Variants in CHRNB4 observed in about 807,000 individuals in gnomAD.
The protein encoded by CHRNB4 is neuronal acetylcholine receptor subunit beta-4.
In CHRNB4, 23 loss-of-function variants were observed where a neutral mutation model predicts 40.4. The ratio of observed to expected loss-of-function variants is 0.57; its 90% CI spans 0.41 to 0.81. The LOEUF (loss-of-function observed/expected upper bound fraction) is 0.81. CHRNB4 is among the 30% of genes least tolerant of loss of function. The pLI, the probability that CHRNB4 is intolerant of heterozygous loss-of-function variation, is 0.00. For missense variants in CHRNB4, 568 were observed against 670.6 expected (o/e 0.85, Z 1.69); for synonymous variants, 285 against 274.4 (o/e 1.04, Z -0.38).
chr15:78,643,855 A>G (rs1820968086), upstream of CHRNB4, among the ~76,000 whole-genome samples: 1 of 152,106 alleles, frequency 6.6e-6, no homozygotes, highest in Admixed American at 6.6e-5. Context: ...ATGAAATAGA[A>G]AAAGAGATTC....
chr15:78,657,095 G>A (rs2054220824), intron 3 of CHRNB4, among the ~76,000 whole-genome samples: 1 of 151,746 alleles, frequency 6.6e-6, no homozygotes, highest in Non-Finnish European at 1.5e-5. Flanking sequence ...TACAACCCTG[G>A]CTCACTGTAA....
At chr15:78,643,037 T>C (rs1274681335), upstream of CHRNB4, among the ~76,000 whole-genome samples, 1 of 152,162 alleles carries the variant, frequency 6.6e-6, no homozygotes, top group Non-Finnish European at 1.5e-5. Context: ...TAGGATAAAA[T>C]GAAATAATTC....
upstream of CHRNB4, chr15:78,661,082 G>T (rs2054248909): frequency 1.0e-5 from 6 of 601,844 alleles, no homozygotes; most frequent in Admixed American, 1.1e-4. Flanking sequence ...CCTCTGGCGC[G>T]CTTGAACTTC....
intron 1 of CHRNB4, among the ~76,000 whole-genome samples, chr15:78,659,943 A>G (rs545538034): frequency 6.6e-6 from 1 of 152,288 alleles, no homozygotes; most frequent in East Asian, 1.9e-4. Flanking sequence ...GCGGTGGCTC[A>G]TGCCTGTAAT....
rs533453894 is a variant in CHRNB4, at chr15:78,647,575, A to G, written c.46+1804T>C. Among the ~76,000 whole-genome samples, 160 of 151,680 alleles carry G rather than the reference A, an allele frequency of 1.1e-3. 2 individuals carry two copies. Among genetic ancestry groups the G allele is most frequent in the African/African-American group, 2.6e-3 (108 of 41,442 alleles). On this transcript the variant is annotated intron_variant and NMD_transcript_variant, in intron 7 of 11. Transcript: ENST00000559849. ...ATTAGAAAGAGATTCAGCCGGGTGCAGTGGCTCACGCCTGTAATCCCAGCA... is the reference window on the plus strand; with the variant it reads ...ATTAGAAAGAGATTCAGCCGGGTGCGGTGGCTCACGCCTGTAATCCCAGCA...
At chr15:78,644,234 C>A (rs939984497), upstream of CHRNB4, among the ~76,000 whole-genome samples, 5 of 151,338 alleles carry the variant, frequency 3.3e-5, no homozygotes, top group Admixed American at 1.3e-4. Context: ...ATACGTAAGG[C>A]CTTTCATGAA....
intron 5 of CHRNB4, chr15:78,626,916 G>C (rs1460340192): frequency 6.6e-6 from 1 of 152,324 alleles, no homozygotes; most frequent in Non-Finnish European, 1.5e-5. Context: ...CCAAGGGGGT[G>C]GTGAGGTCTT....
In CHRNB4 at chr15:78,632,500, G is replaced by A. The variant is rs2053854129; in HGVS notation, c.205-1168C>T. ...ATTTTAAAAAATTTTTTGTGGAGAT[G>A]GGGATTCATCATGATGCCCAGGCTG... On this transcript the variant is annotated intron_variant, in intron 2 of 5. Transcript: ENST00000261751. Among the ~76,000 whole-genome samples, 5 of 151,946 alleles carry A rather than the reference G, an allele frequency of 3.3e-5. No homozygotes were observed. In the South Asian group the frequency reaches 1.0e-3, roughly 32 times the overall value.
At chr15:78,632,133 T>TTTTC (rs1422889160) in intron 2 of CHRNB4, among the ~76,000 whole-genome samples, 7 of 139,722 alleles carry the variant, frequency 5.0e-5, no homozygotes, top group African/African-American at 1.8e-4. Context: ...TGCCTTCTCT[T>TTTTC]TTTCTTTCTT....
rs779791563 is a variant in CHRNB4, at chr15:78,629,915, G to A, written c.390C>T (p.Tyr130=). 32 of 1,605,748 alleles carry A rather than the reference G, an allele frequency of 2.0e-5. No individual in the cohort carries two copies. Among genetic ancestry groups the A allele is most frequent in the Middle Eastern group, 1.7e-4 (1 of 6,028 alleles). The part of the protein sequence containing the change: ...NADGTYEVSV[Y]TNLIVRSNGS... ...CGTTGGACCGGACTATCAAGTTGGT[G>A]TAGACAGACACCTCATAGGTCCCGT... The change falls in exon 5 of 6, where the codon TAC becomes TAT. Residue 130 remains tyrosine (Y), a synonymous_variant. Coordinates refer to ENST00000261751, the MANE Select transcript of CHRNB4 (RefSeq NM_000750.5). The surrounding 1 kb of genome is among the most constrained non-coding windows in gnomAD (Gnocchi z 6.8).
Position 78,629,616 on chromosome 15 carries a change from C to T in CHRNB4, c.689G>A (p.Arg230His), listed in dbSNP as rs770629950. The T allele has an allele frequency of 6.2e-6, 10 of 1,613,912 alleles. No individual in the cohort carries two copies. Among genetic ancestry groups the T allele is most frequent in the East Asian group, 2.2e-5 (1 of 44,876 alleles). ...GTTGATGGTGTAGAACAGAGGCTTG[C>T]GCTTGATGATGAAGTCGTAAGTCAC... ...VDVTYDFIIK[R>H]KPLFYTINLI... The change falls in exon 5 of 6, where the codon CGC becomes CAC. Residue 230 changes from arginine (R) to histidine (H), a missense_variant. Arg to His is a conservative substitution (Grantham distance 29, BLOSUM62 0). This residue lies in a region of CHRNB4 where 127 missense variants were observed against 167.4 expected (regional missense o/e 0.76). Coordinates refer to ENST00000261751, the MANE Select transcript of CHRNB4 (RefSeq NM_000750.5). The surrounding 1 kb of genome is among the most constrained non-coding windows in gnomAD (Gnocchi z 6.8).
At chr15:78,628,854 C>T in intron 5 of CHRNB4, 113 bp downstream of exon 5, 1 of 1,350,764 alleles carries the variant, frequency 7.4e-7, no homozygotes. Context: ...ATTCCTTATT[C>T]AGAGTTTGAG....
rs138984894 is a variant in CHRNB4, at chr15:78,634,918, T to G, written c.204+521A>C. On this transcript the variant is annotated intron_variant, in intron 2 of 5. Coordinates refer to ENST00000261751, the MANE Select transcript of CHRNB4 (RefSeq NM_000750.5). Reference sequence around the variant, plus strand: ...GGTACCTGTGAATGCTGCCATCCACTCCTCCTTTCCATGCCTGCAGCAGCC... The same window carrying G: ...GGTACCTGTGAATGCTGCCATCCACGCCTCCTTTCCATGCCTGCAGCAGCC... 3.5e-3 allele frequency among the ~76,000 whole-genome samples: 540 copies of G among 152,140 alleles called. 5 individuals are homozygous for G. The highest frequency in any genetic ancestry group is 0.012 in the African/African-American group (490 of 41,498).
At chr15:78,632,736 A>G (rs1426898289) in intron 2 of CHRNB4, among the ~76,000 whole-genome samples, 1 of 152,114 alleles carries the variant, frequency 6.6e-6, no homozygotes. Flanking sequence ...AGTATGTAAC[A>G]TGTTGGATAC....
chr15:78,627,647 A>C (rs1241031145), intron 5 of CHRNB4: 1 of 152,076 alleles, frequency 6.6e-6, no homozygotes, highest in African/African-American at 2.4e-5. Flanking sequence ...TGTCCAAAGA[A>C]TCTGATCTGA....
Position 78,647,503 on chromosome 15 carries a change from G to C in CHRNB4, c.46+1876C>G, listed in dbSNP as rs745618290. Among the ~76,000 whole-genome samples the C allele has an allele frequency of 2.1e-4, 32 of 151,952 alleles. 1 individual carries two copies. The highest frequency in any genetic ancestry group is 3.4e-3 in the Middle Eastern group (1 of 294). On this transcript the variant is annotated intron_variant and NMD_transcript_variant, in intron 7 of 11. Coordinates refer to the CHRNB4 transcript ENST00000559849. ...GGGGAATGGACACAGAAGTGATAAT[G>C]AGATACTAGCATTCCTATACATCAA...
chr15:78,659,258 A>G lies in CHRNB4; in HGVS notation c.-850-889T>C, dbSNP rs116549650. Among the ~76,000 whole-genome samples the G allele has an allele frequency of 4.7e-3, 714 of 152,060 alleles. 6 individuals carry two copies. The highest frequency in any genetic ancestry group is 0.016 in the African/African-American group (670 of 41,458). On this transcript the variant is annotated intron_variant and NMD_transcript_variant, in intron 1 of 11. Coordinates refer to the CHRNB4 transcript ENST00000559849. The stretch of plus-strand genomic sequence containing the variant: ...AGCCTGGGCAACATGGTTAAACCCC[A>G]TCTCTTCCAAAACAAACAAACAAAC...
chr15:78,651,379 C>T (rs1378950648), intron 6 of CHRNB4, among the ~76,000 whole-genome samples: 2 of 152,212 alleles, frequency 1.3e-5, no homozygotes, highest in Non-Finnish European at 2.9e-5. Flanking sequence ...TCACTCTGCC[C>T]TGAGTCCAGC....
At position 78,651,740 on chromosome 15, in the gene CHRNB4, G is replaced by A. The variant is rs76127406; in HGVS notation, c.-16+838C>T. Among the ~76,000 whole-genome samples, 620 of 152,290 alleles carry A rather than the reference G, an allele frequency of 4.1e-3. 5 individuals are homozygous for A. Among genetic ancestry groups the A allele is most frequent in the African/African-American group, 0.014 (581 of 41,560 alleles). The stretch of plus-strand genomic sequence containing the variant: ...CACTTCCATCAAGGAGGGTGTAAGC[G>A]GCAAGTGCTCTCTGAGCCCTGGGAA... On this transcript the variant is annotated intron_variant and NMD_transcript_variant, in intron 6 of 11. Transcript: ENST00000559849.
Sources: gnomAD v4.1 joint callset for allele counts (sites outside exome capture counted in the v4.1 genomes callset) on GRCh38, gnomAD v4.1.1 for gene constraint, gnomAD v4.1.1 regional missense constraint, Gnocchi (gnomAD v3.1) non-coding constraint, MANE v1.5 for transcripts, NCBI Gene and HGNC (gene_info 2026-07-23, HGNC 2026-07-21) for gene names.